Variants in AKAP14 observed in about 807,000 individuals in gnomAD.
AKAP14 encodes A-kinase anchor protein 14.
A neutral mutation model predicts 17.0 loss-of-function variants in AKAP14; 4 were observed. The ratio of observed to expected loss-of-function variants is 0.23; its 90% confidence interval spans 0.12 to 0.54. AKAP14 has a LOEUF of 0.54. AKAP14 is among the 20% of genes least tolerant of loss of function. The pLI is 0.95. For synonymous variants in AKAP14, 42 were observed against 51.3 expected (o/e 0.82, Z 0.77); for missense variants, 129 against 150.9 (o/e 0.85, Z 0.76).
At chrX:119,899,883 C>A (rs1379602601) in intron 2 of AKAP14, among the ~76,000 whole-genome samples, 2 of 111,801 alleles carry the variant, frequency 1.8e-5, no homozygotes, top group African/African-American at 6.5e-5. Context: ...GAGAGAGATA[C>A]CCACTTTCAT....
At chrX:119,916,452 CTAT>C (rs2056657862) in intron 5 of AKAP14, among the ~76,000 whole-genome samples, 2 of 107,002 alleles carry the variant, frequency 1.9e-5, no homozygotes, top group Non-Finnish European at 3.8e-5. Context: ...ATCTATCTAT[CTAT>C]CTATCTATCT....
intron 5 of AKAP14, among the ~76,000 whole-genome samples, chrX:119,916,701 A>G (rs2056660894): frequency 1.2e-5 from 1 of 83,598 alleles, no homozygotes; most frequent in Non-Finnish European, 2.3e-5. Flanking sequence ...AGGTCTTGCT[A>G]TGTTGCACAG....
Position 119,896,811 on chromosome X carries a change from T to C in AKAP14, c.-11+544T>C, listed in dbSNP as rs866426917. Among the ~76,000 whole-genome samples, 97 of 58,848 alleles carry C rather than the reference T, an allele frequency of 1.6e-3. 1 individual carries two copies. Among genetic ancestry groups the C allele is most frequent in the East Asian group, 6.3e-3 (9 of 1,440 alleles). 51.1% of individuals were successfully genotyped at this position (58,848 alleles called of 115,157 possible). A position where few individuals can be genotyped will look rare whatever the true frequency, so the allele number is the denominator to read the frequency against. ...GGCAATTTTCTTTTCTTTTCTTTTT[T>C]TCTTTTTTTTTTTTTTTGAGACAGA... On this transcript the variant is annotated intron_variant, in intron 2 of 6. Coordinates refer to ENST00000371431, the MANE Select transcript of AKAP14 (RefSeq NM_178813.6).
At chrX:119,900,095 A>C (rs111924476) in intron 2 of AKAP14, among the ~76,000 whole-genome samples, 165 of 104,771 alleles carry the variant, frequency 1.6e-3, no homozygotes, top group Non-Finnish European at 2.6e-3. Flanking sequence ...TGCCAGTCCA[A>C]CTTTTTTTTT....
At chrX:119,916,136 T>C (rs991476137) in intron 5 of AKAP14, among the ~76,000 whole-genome samples, 5 of 109,249 alleles carry the variant, frequency 4.6e-5, no homozygotes, top group African/African-American at 1.3e-4. Context: ...AATTTGTCAC[T>C]TTTGTGTTTA....
At chrX:119,906,941 T>A (rs2056601572) in intron 4 of AKAP14, among the ~76,000 whole-genome samples, 1 of 111,904 alleles carries the variant, frequency 8.9e-6, no homozygotes, top group Non-Finnish European at 1.9e-5. Flanking sequence ...GGAGTTGCCA[T>A]TTACTGAGTA....
intron 4 of AKAP14, among the ~76,000 whole-genome samples, chrX:119,911,674 G>A (rs2056627944): frequency 9.0e-6 from 1 of 110,860 alleles, no homozygotes; most frequent in Non-Finnish European, 1.9e-5. Flanking sequence ...ATGGGAATAT[G>A]AGCATTTTGT....
chrX:119,920,442 T>G, intron 6 of AKAP14, 66 bp from the exon 7 acceptor site: 2 of 901,589 alleles, frequency 2.2e-6, no homozygotes, highest in Admixed American at 2.5e-5. Context: ...GGAATCCCCT[T>G]TGTTTGATTT....
At position 119,914,775 on chromosome X, in the gene AKAP14, A is replaced by C; in HGVS notation, c.338A>C (p.Tyr113Ser). ...AAAGACTTAATTCACAGCTTCCTCT[A>C]CATCTACTATGTACACTGGAGTATC... Reference protein sequence around the residue: ...ERKDLIHSFLYIYYVHWSIST... With the variant: ...ERKDLIHSFLSIYYVHWSIST... Residue 113 changes from tyrosine to serine, a missense_variant, in exon 5 of 7, where the codon TAC (tyrosine) becomes TCC (serine). Physicochemically the swap from Tyr to Ser is moderately radical, Grantham distance 144. Transcript: ENST00000371431. 8.3e-7 allele frequency: 1 copy of C among 1,209,490 alleles called. No individual in the cohort carries two copies. Among genetic ancestry groups the C allele is most frequent in the East Asian group, 3.0e-5 (1 of 33,850 alleles).
At chrX:119,919,569 G>A (rs2056676775) in intron 5 of AKAP14, among the ~76,000 whole-genome samples, 1 of 112,645 alleles carries the variant, frequency 8.9e-6, no homozygotes, top group African/African-American at 3.2e-5. Flanking sequence ...GATTGGGCTG[G>A]GCGTGGTGGC....
At position 119,904,455 on chromosome X, in the gene AKAP14, A is replaced by G. The variant is rs1196245345; in HGVS notation, c.261+869A>G. Among the ~76,000 whole-genome samples the G allele has an allele frequency of 5.3e-5, 6 of 112,637 alleles. No homozygotes were observed. In the Admixed American group the frequency reaches 5.7e-4, roughly 11 times the overall value. ...TGCATAACTGGTGAGTGAATAAAGG[A>G]GAATGGCTTGGGCCAGGCGCAGTGG... is the stretch of plus-strand genomic sequence containing the variant. On this transcript the variant is annotated intron_variant, in intron 4 of 6. Coordinates refer to ENST00000371431, the MANE Select transcript of AKAP14 (RefSeq NM_178813.6).
chrX:119,907,542 C>G (rs1236608767), intron 4 of AKAP14, among the ~76,000 whole-genome samples: 1 of 111,262 alleles, frequency 9.0e-6, no homozygotes, highest in Non-Finnish European at 1.9e-5. Flanking sequence ...ACTGCAGCCT[C>G]AAACTCCTGG....
At chrX:119,898,090 G>A (rs1386056329) in intron 2 of AKAP14, among the ~76,000 whole-genome samples, 1 of 112,500 alleles carries the variant, frequency 8.9e-6, no homozygotes, top group East Asian at 2.8e-4. Context: ...TTGAACCCAG[G>A]AGGCGGACGT....
intron 5 of AKAP14, among the ~76,000 whole-genome samples, chrX:119,918,235 G>A (rs1481631516): frequency 9.0e-6 from 1 of 110,527 alleles, no homozygotes; most frequent in Non-Finnish European, 1.9e-5. Context: ...TTTTTGTTTT[G>A]TTTTGTTTTT....
chrX:119,919,372 CAA>C (rs1207428531), intron 5 of AKAP14, among the ~76,000 whole-genome samples: 1 of 112,069 alleles, frequency 8.9e-6, no homozygotes, highest in East Asian at 2.8e-4. Context: ...AAGCCTGTCC[CAA>C]GTTATTTCCA....
intron 4 of AKAP14, among the ~76,000 whole-genome samples, chrX:119,912,473 G>C (rs1377430835): frequency 9.1e-6 from 1 of 110,282 alleles, no homozygotes; most frequent in East Asian, 2.8e-4. Context: ...ATGATCGAAG[G>C]TTAATAAAAA....
At chrX:119,917,483 T>G (rs1379005382) in intron 5 of AKAP14, among the ~76,000 whole-genome samples, 2 of 112,011 alleles carry the variant, frequency 1.8e-5, no homozygotes, top group Admixed American at 1.9e-4. Flanking sequence ...CTCATGCCTA[T>G]AATCCCAGTA....
In AKAP14 at chrX:119,901,929, A is replaced by G. The variant is rs1032186478; in HGVS notation, c.-10-1285A>G. Among the ~76,000 whole-genome samples, 3 of 104,393 alleles carry G rather than the reference A, an allele frequency of 2.9e-5. No homozygotes were observed. In the South Asian group the frequency reaches 1.3e-3, roughly 46 times the overall value. 90.7% of individuals were successfully genotyped at this position (104,393 alleles called of 115,157 possible). ...GAGGCTGAAGCAGGAGAATCACTTG[A>G]ACCTGGATTCTCCCGGGAGGCGGAG... On this transcript the variant is annotated intron_variant, in intron 2 of 6. Coordinates refer to ENST00000371431, the MANE Select transcript of AKAP14 (RefSeq NM_178813.6).
chrX:119,910,021 T>C (rs1193696507), intron 4 of AKAP14, among the ~76,000 whole-genome samples: 1 of 110,655 alleles, frequency 9.0e-6, no homozygotes, highest in Admixed American at 9.8e-5. Context: ...TAGCCAGGTG[T>C]GGTGGTGCAT....
Sources: allele counts gnomAD v4.1 joint callset (sites outside exome capture counted in the v4.1 genomes callset), GRCh38; gene constraint gnomAD v4.1.1; transcripts MANE v1.5; gene names NCBI Gene and HGNC (gene_info 2026-07-23, HGNC 2026-07-21).